Variants in IL36B observed in about 807,000 individuals in gnomAD.
The protein encoded by IL36B is interleukin-36 beta.
A neutral mutation model predicts 19.3 loss-of-function variants in IL36B; 23 were observed. That is an observed-to-expected ratio of 1.19 (90% CI 0.86 to 1.69). The LOEUF (loss-of-function observed/expected upper bound fraction) is 1.69, where lower values mean the gene tolerates loss of function less well. IL36B is among the 40% of genes most tolerant of loss of function. The pLI is 0.00. For missense variants in IL36B, 217 were observed against 200.5 expected (o/e 1.08, Z -0.50); for synonymous variants, 59 against 59.7 (o/e 0.99, Z 0.05).
At chr2:113,046,423 A>C (rs1263226609) in intron 1 of IL36B, among the ~76,000 whole-genome samples, 1 of 152,060 alleles carries the variant, frequency 6.6e-6, no homozygotes, top group South Asian at 2.1e-4. Context: ...GTTAGCCAGT[A>C]TGGTCTCGAT....
Position 113,022,439 on chromosome 2 carries a change from C to T in IL36B, c.*235G>A. On this transcript the variant is annotated 3_prime_UTR_variant, in exon 6 of 6. Coordinates refer to ENST00000259213, the MANE Select transcript of IL36B (RefSeq NM_014438.5). ...TTTAAAAAACACTCTAAGGACTGGA[C>T]AAAACACATTTACAGGTTATGTAGT... is the stretch of plus-strand genomic sequence containing the variant. 2.7e-6 allele frequency: 1 copy of T among 368,216 alleles called. No homozygotes were observed. Among genetic ancestry groups the T allele is most frequent in the Non-Finnish European group, 5.0e-6 (1 of 201,970 alleles). 22.8% of individuals were successfully genotyped at this position (368,216 alleles called of 1,614,324 possible).
At chr2:113,024,768 T>G (rs1031730009) in intron 5 of IL36B, among the ~76,000 whole-genome samples, 3 of 152,182 alleles carry the variant, frequency 2.0e-5, no homozygotes, top group South Asian at 4.1e-4. Context: ...ATAAGCACTG[T>G]CCAGGATTAC....
At position 113,028,118 on chromosome 2, in the gene IL36B, G is replaced by A; in HGVS notation, c.261+821C>T. 2 of 1,613,258 alleles carry A rather than the reference G, an allele frequency of 1.2e-6. No individual in the cohort carries two copies. The highest frequency in any genetic ancestry group is 1.7e-6 in the Non-Finnish European group (2 of 1,179,502). On this transcript the variant is annotated intron_variant, in intron 4 of 5. Coordinates refer to ENST00000259213, the MANE Select transcript of IL36B (RefSeq NM_014438.5). ...TACAGGTCCATGATATTTTTTTCCT[G>A]GGGGTGGAAAAGAGGCTTGTTAGAG...
At chr2:113,046,411 A>T (rs573788459) in intron 1 of IL36B, among the ~76,000 whole-genome samples, 1 of 152,156 alleles carries the variant, frequency 6.6e-6, no homozygotes, top group Admixed American at 6.5e-5. Context: ...GTGTTTCACC[A>T]TGTTAGCCAG....
intron 4 of IL36B, chr2:113,028,093 T>A (rs770488725): frequency 1.9e-6 from 3 of 1,614,086 alleles, no homozygotes; most frequent in South Asian, 2.2e-5. Context: ...CTTCTCCACA[T>A]ACAGGTCCAT....
At chr2:113,041,724 T>C (rs1685261437) in intron 1 of IL36B, among the ~76,000 whole-genome samples, 1 of 152,202 alleles carries the variant, frequency 6.6e-6, no homozygotes, top group Admixed American at 6.5e-5. Flanking sequence ...CTGGTATAAT[T>C]GACAAATAAA....
intron 1 of IL36B, among the ~76,000 whole-genome samples, chr2:113,050,277 G>A (rs1298075574): frequency 6.6e-6 from 1 of 151,998 alleles, no homozygotes; most frequent in Non-Finnish European, 1.5e-5. Context: ...AAGGAATGAA[G>A]TTCTGATACA....
At chr2:113,051,843 A>C (rs987452987) in intron 1 of IL36B, among the ~76,000 whole-genome samples, 1 of 152,154 alleles carries the variant, frequency 6.6e-6, no homozygotes, top group African/African-American at 2.4e-5. Flanking sequence ...AAGTCACTCC[A>C]GGGAGTGATA....
chr2:113,023,581 G>A (rs982704381), intron 5 of IL36B, among the ~76,000 whole-genome samples: 2 of 152,190 alleles, frequency 1.3e-5, no homozygotes, highest in Admixed American at 1.3e-4. Flanking sequence ...CACTCTGTCA[G>A]CTGCACAGTC....
At chr2:113,042,839 T>C (rs1428031663) in intron 1 of IL36B, among the ~76,000 whole-genome samples, 2 of 152,182 alleles carry the variant, frequency 1.3e-5, no homozygotes, top group African/African-American at 4.8e-5. Flanking sequence ...AGGGTTGGTA[T>C]ATGTTAACTT....
chr2:113,027,597 G>A (rs1373820945), intron 4 of IL36B: 1 of 1,179,506 alleles, frequency 8.5e-7, no homozygotes, highest in South Asian at 2.4e-5. Context: ...AGGAATGGAA[G>A]GTTGCATGAA....
At chr2:113,027,346 G>A (rs1684982673) in intron 4 of IL36B, 87 bp downstream of exon 5, 1 of 422,262 alleles carries the variant, frequency 2.4e-6, no homozygotes, top group East Asian at 1.6e-4. Flanking sequence ...GTGTTTAAGT[G>A]GACCTGTGCA....
chr2:113,051,246 G>A (rs1414684491), intron 1 of IL36B, among the ~76,000 whole-genome samples: 2 of 152,230 alleles, frequency 1.3e-5, no homozygotes, highest in African/African-American at 4.8e-5. Flanking sequence ...GAGAGCAATG[G>A]TCAAACTACA....
At chr2:113,030,844 A>C (rs1685061745) in intron 3 of IL36B, among the ~76,000 whole-genome samples, 1 of 152,274 alleles carries the variant, frequency 6.6e-6, no homozygotes, top group East Asian at 1.9e-4. Flanking sequence ...GGAGCTGTCA[A>C]CCCTTCACAC....
chr2:113,027,632 CTG>C lies in IL36B; in HGVS notation c.261+1305_261+1306del, dbSNP rs561573291. On this transcript the variant is annotated intron_variant, in intron 4 of 5. Transcript: ENST00000259213. ...AGCAGCATTTGGGGGGTTGACTAAACTGGGCATGGCAGCTGAGTGGATGGTGG... is the reference window on the plus strand; with the variant it reads ...AGCAGCATTTGGGGGGTTGACTAAACGGCATGGCAGCTGAGTGGATGGTGG... 1.8e-4 allele frequency: 223 copies of C among 1,265,068 alleles called. 3 individuals carry two copies. The African/African-American group carries it at 2.6e-3, about 15-fold the overall frequency. 78.4% of individuals were successfully genotyped at this position (1,265,068 alleles called of 1,614,324 possible).
intron 1 of IL36B, among the ~76,000 whole-genome samples, chr2:113,036,235 G>A (rs986596110): frequency 1.3e-5 from 2 of 151,906 alleles, no homozygotes; most frequent in East Asian, 1.9e-4. Context: ...GTGAGCCAGC[G>A]TACCAGGCCT....
intron 1 of IL36B, among the ~76,000 whole-genome samples, chr2:113,040,597 C>T (rs1685237807): frequency 6.6e-6 from 1 of 152,098 alleles, no homozygotes; most frequent in Admixed American, 6.5e-5. Context: ...ATACTGGCAG[C>T]AGGCTATCAG....
chr2:113,050,982 C>T (rs147975190), intron 1 of IL36B, among the ~76,000 whole-genome samples: 148 of 151,360 alleles, frequency 9.8e-4, no homozygotes, highest in Middle Eastern at 6.8e-3. Context: ...AATCGGAGGC[C>T]GTGCCTCTCA....
intron 1 of IL36B, 148 bp from the exon 2 acceptor site, chr2:113,031,914 T>C (rs1179259610): frequency 1.5e-5 from 8 of 532,896 alleles, no homozygotes; most frequent in Admixed American, 3.4e-5. Context: ...TAAGGATGGG[T>C]ACAGGACATT....
Sources: allele counts gnomAD v4.1 joint callset (sites outside exome capture counted in the v4.1 genomes callset), GRCh38; gene constraint gnomAD v4.1.1; transcripts MANE v1.5; gene names NCBI Gene and HGNC (gene_info 2026-07-23, HGNC 2026-07-21).